DOCK4: variants seen among roughly 807,000 people sequenced by gnomAD.
DOCK4 encodes the protein dedicator of cytokinesis 4, also known as dedicator of cytokinesis protein 4.
DOCK4 carries 97 observed loss-of-function variants against 268.1 expected under a neutral mutation model. The ratio of observed to expected loss-of-function variants is 0.36; its 90% CI spans 0.31 to 0.43. The LOEUF (loss-of-function observed/expected upper bound fraction) is 0.43. DOCK4 is among the 20% of genes least tolerant of loss of function. The pLI is 1.00. For synonymous variants in DOCK4, 954 were observed against 887.2 expected (o/e 1.08, Z -1.34); for missense variants, 2,145 against 2,455.7 (o/e 0.87, Z 2.67).
rs567510284 is a variant in DOCK4 at position 112,164,148 on chromosome 7, T to C, written c.37+41954A>G. Reference sequence around the variant, plus strand: ...AAAAATTTTTTTAATTAGCTGGGTGTGGTGGCGCATGCCTCTAGGAGGCTG... The same window carrying C: ...AAAAATTTTTTTAATTAGCTGGGTGCGGTGGCGCATGCCTCTAGGAGGCTG... On this transcript the variant is annotated intron_variant, in intron 1 of 52. Coordinates refer to ENST00000428084, the MANE Select transcript of DOCK4 (RefSeq NM_001363540.2). Among the ~76,000 whole-genome samples the C allele has an allele frequency of 3.3e-5, 5 of 152,142 alleles. No individual in the cohort carries two copies. The South Asian group carries it at 1.0e-3, about 32-fold the overall frequency.
At position 111,876,984 on chromosome 7, in the gene DOCK4, A is replaced by G. The variant is rs1237048431; in HGVS notation, c.1744+46T>C. 4 of 1,329,396 alleles carry G rather than the reference A, an allele frequency of 3.0e-6. No homozygotes were observed. In the East Asian group the frequency reaches 8.3e-5, roughly 28 times the overall value. 82.4% of individuals were successfully genotyped at this position (1,329,396 alleles called of 1,614,324 possible). A position where few individuals can be genotyped will look rare whatever the true frequency, so the allele number is the denominator to read the frequency against. On this transcript the variant is annotated intron_variant, in intron 17 of 52. Coordinates refer to ENST00000428084, the MANE Select transcript of DOCK4 (RefSeq NM_001363540.2). ...ACTGAATATGCTTACCAAAATATAC[A>G]TGATTATTAGGTACTAGGGCTTTCA...
Position 111,769,688 on chromosome 7 carries a change from C to A in DOCK4, c.3680-11G>T, listed in dbSNP as rs752854005. ...GGGTATATGCAGCTTCTGCAAGTCA[C>A]GTGAGAAGACAATGATTGAGACAGG... On this transcript the variant is annotated splice_polypyrimidine_tract_variant and intron_variant, in intron 36 of 52. Transcript: ENST00000428084. The A allele has an allele frequency of 6.2e-7, 1 of 1,611,380 alleles. No individual in the cohort carries two copies. Among genetic ancestry groups the A allele is most frequent in the Non-Finnish European group, 8.5e-7 (1 of 1,178,366 alleles).
At chr7:111,990,933 C>G (rs1208845362) in intron 5 of DOCK4, among the ~76,000 whole-genome samples, 1 of 152,142 alleles carries the variant, frequency 6.6e-6, no homozygotes, top group Non-Finnish European at 1.5e-5. Context: ...AGATTCTGTA[C>G]AGGCGATACA....
chr7:111,852,547 T>C lies in DOCK4; in HGVS notation c.2474-5421A>G, dbSNP rs987289448. On this transcript the variant is annotated intron_variant, in intron 23 of 52. Coordinates refer to ENST00000428084, the MANE Select transcript of DOCK4 (RefSeq NM_001363540.2). ...CTGAAAATTTAAGTGCCAGTAGTCATTGCCTAGTAATGTTTAATTAGAAAG... is the reference window on the plus strand; with the variant it reads ...CTGAAAATTTAAGTGCCAGTAGTCACTGCCTAGTAATGTTTAATTAGAAAG... 3.3e-5 allele frequency among the ~76,000 whole-genome samples: 5 copies of C among 150,416 alleles called. 1 individual carries two copies. Among genetic ancestry groups the C allele is most frequent in the South Asian group, 4.2e-4 (2 of 4,786 alleles).
At chr7:111,886,221 A>G (rs1433679358) in intron 16 of DOCK4, among the ~76,000 whole-genome samples, 1 of 152,030 alleles carries the variant, frequency 6.6e-6, no homozygotes, top group Non-Finnish European at 1.5e-5. Flanking sequence ...TCCAGTTGAA[A>G]CTCTGTATTA....
At chr7:111,922,228 T>C (rs912419916) in intron 12 of DOCK4, among the ~76,000 whole-genome samples, 1 of 152,194 alleles carries the variant, frequency 6.6e-6, no homozygotes, top group African/African-American at 2.4e-5. Context: ...CTATCTTATT[T>C]TGTTTTTCAA....
chr7:111,973,187 A>ATATATATATATATATATAT (rs1263648543), intron 8 of DOCK4, among the ~76,000 whole-genome samples: 3 of 133,048 alleles, frequency 2.3e-5, no homozygotes, highest in African/African-American at 8.3e-5. Context: ...ATATATATAT[A>ATATATATATATATATATAT]ATATTTTCTT....
intron 1 of DOCK4, among the ~76,000 whole-genome samples, chr7:112,037,513 T>C (rs1803917328): frequency 1.3e-5 from 2 of 152,174 alleles, no homozygotes; most frequent in Admixed American, 1.3e-4. Flanking sequence ...CAGAAAAGTT[T>C]TGGCTGTTCT....
At chr7:111,734,652 T>C (rs1036930021) in intron 51 of DOCK4, among the ~76,000 whole-genome samples, 3 of 152,186 alleles carry the variant, frequency 2.0e-5, no homozygotes, top group African/African-American at 7.2e-5. Flanking sequence ...TCAATGGCTA[T>C]TTAGAGGCAA....
intron 1 of DOCK4, among the ~76,000 whole-genome samples, chr7:112,130,571 G>A (rs1813710017): frequency 6.6e-6 from 1 of 152,156 alleles, no homozygotes; most frequent in African/African-American, 2.4e-5. Context: ...AGCTAGTGAT[G>A]ATGGATATCA....
intron 1 of DOCK4, among the ~76,000 whole-genome samples, chr7:112,179,254 C>T (rs1036156607): frequency 1.3e-5 from 2 of 151,986 alleles, no homozygotes; most frequent in African/African-American, 4.8e-5. Flanking sequence ...GGTGTGGTGG[C>T]ATATGCCTGT....
chr7:112,183,789 G>A (rs1459475417), intron 1 of DOCK4, among the ~76,000 whole-genome samples: 2 of 152,184 alleles, frequency 1.3e-5, no homozygotes, highest in Non-Finnish European at 2.9e-5. Flanking sequence ...TTCGATAGTG[G>A]TAACATTTAT....
chr7:111,876,684 T>C (rs1806911030), intron 17 of DOCK4, among the ~76,000 whole-genome samples: 1 of 149,970 alleles, frequency 6.7e-6, no homozygotes, highest in Non-Finnish European at 1.5e-5. Flanking sequence ...GCCTTTATTC[T>C]AAAGCCTGCA....
intron 12 of DOCK4, among the ~76,000 whole-genome samples, chr7:111,932,149 T>A (rs1794253776): frequency 6.6e-6 from 1 of 152,164 alleles, no homozygotes; most frequent in African/African-American, 2.4e-5. Context: ...AATTATATAT[T>A]CAAACAACCT....
rs1392983781 is a variant in DOCK4 at position 111,822,474 on chromosome 7, T to C, written c.2836-18A>G. Reference sequence around the variant, plus strand: ...AGGAAATCCTTGGATAAGGAGAAAATAGATCATTTTATTGGTTTATTGTAA... The same window carrying C: ...AGGAAATCCTTGGATAAGGAGAAAACAGATCATTTTATTGGTTTATTGTAA... On this transcript the variant is annotated intron_variant, in intron 26 of 52. Coordinates refer to ENST00000428084, the MANE Select transcript of DOCK4 (RefSeq NM_001363540.2). 18 of 1,591,920 alleles carry C rather than the reference T, an allele frequency of 1.1e-5. No homozygotes were observed. The highest frequency in any genetic ancestry group is 2.7e-5 in the African/African-American group (2 of 74,288).
chr7:111,762,761 T>TC, intron 39 of DOCK4, among the ~76,000 whole-genome samples: 2 of 111,324 alleles, frequency 1.8e-5, no homozygotes, highest in African/African-American at 3.6e-5. Context: ...TGTTTTGTTT[T>TC]CTTTTTTTTT....
At chr7:111,983,713 A>T (rs1003085185) in intron 7 of DOCK4, among the ~76,000 whole-genome samples, 37 of 152,068 alleles carry the variant, frequency 2.4e-4, no homozygotes, top group Non-Finnish European at 4.9e-4. Context: ...TTTTAGGATG[A>T]TTCACGGGCT....
At chr7:112,034,292 C>T (rs746304400) in intron 1 of DOCK4, among the ~76,000 whole-genome samples, 5 of 152,112 alleles carry the variant, frequency 3.3e-5, no homozygotes, top group Non-Finnish European at 5.9e-5. Context: ...TGACACTATA[C>T]GCTATTTTTT....
chr7:111,962,132 C>T (rs1004256782), intron 8 of DOCK4, among the ~76,000 whole-genome samples: 1 of 152,124 alleles, frequency 6.6e-6, no homozygotes, highest in African/African-American at 2.4e-5. Context: ...AAGCAAATCA[C>T]ACCTCTGATT....
Sources: gnomAD v4.1 joint callset for allele counts (sites outside exome capture counted in the v4.1 genomes callset) on GRCh38, gnomAD v4.1.1 for gene constraint, MANE v1.5 for transcripts, NCBI Gene and HGNC (gene_info 2026-07-23, HGNC 2026-07-21) for gene names.